The following LRRC1 variants were observed in gnomAD, a reference collection of about 807,000 sequenced individuals.
LRRC1 encodes leucine rich repeat containing 1, also known as leucine-rich repeat-containing protein 1.
LRRC1 carries 28 observed loss-of-function variants against 69.9 expected under a neutral mutation model. The observed-to-expected ratio is 0.40, with a 90% CI of 0.30 to 0.55. LRRC1 has a LOEUF of 0.55. Ranked by LOEUF, LRRC1 falls within the 20% of genes least tolerant of loss-of-function variation. The pLI is 0.47. For synonymous variants in LRRC1, 236 were observed against 240.2 expected (o/e 0.98, Z 0.16); for missense variants, 498 against 609.0 (o/e 0.82, Z 1.92).
intron 1 of LRRC1, among the ~76,000 whole-genome samples, chr6:53,805,734 G>A (rs1313998640): frequency 6.6e-6 from 1 of 152,252 alleles, no homozygotes; most frequent in Non-Finnish European, 1.5e-5. Context: ...ACCCACTACA[G>A]TCTGATCATT....
intron 10 of LRRC1, 27 bp downstream of exon 10, chr6:53,904,489 A>G (rs764605431): frequency 7.3e-7 from 1 of 1,366,516 alleles, no homozygotes; most frequent in Non-Finnish European, 1.0e-6. Flanking sequence ...AAATCACATG[A>G]TAATAATTAT....
At chr6:53,892,250 T>G (rs142041994) in intron 4 of LRRC1, among the ~76,000 whole-genome samples, 53 of 152,240 alleles carry the variant, frequency 3.5e-4, no homozygotes, top group African/African-American at 1.3e-3. Flanking sequence ...TCCGATAAGT[T>G]AATTCTCATA....
intron 1 of LRRC1, among the ~76,000 whole-genome samples, chr6:53,795,903 A>C (rs577948144): frequency 1.3e-5 from 2 of 152,300 alleles, no homozygotes; most frequent in Non-Finnish European, 2.9e-5. Flanking sequence ...AGCGGGCCGC[A>C]CTATCTCGGC....
chr6:53,805,814 A>G (rs1475061944), intron 1 of LRRC1, among the ~76,000 whole-genome samples: 1 of 152,112 alleles, frequency 6.6e-6, no homozygotes, highest in East Asian at 1.9e-4. Context: ...ATCCTTTCTC[A>G]ATACTTGGTC....
At chr6:53,857,063 G>A (rs11759220) in intron 2 of LRRC1, among the ~76,000 whole-genome samples, 32,861 of 152,066 alleles carry the variant, frequency 0.22, 3,939 homozygotes, top group East Asian at 0.26. Context: ...GTGAGATGCC[G>A]TTGGAGTATC....
At chr6:53,917,395 G>A (rs903126872) in intron 11 of LRRC1, among the ~76,000 whole-genome samples, 1 of 152,164 alleles carries the variant, frequency 6.6e-6, no homozygotes, top group African/African-American at 2.4e-5. Flanking sequence ...AGCAAAACTG[G>A]TGTTTCAGGC....
chr6:53,904,100 T>C lies in LRRC1; in HGVS notation c.907-279T>C, dbSNP rs562752570. On this transcript the variant is annotated intron_variant, in intron 9 of 13. Transcript: ENST00000370888. ...GGGTGCAAATTCTCACTTCCTTGAGTTGAACAGCATCTTTTTCCCTTTACA... is the reference window on the plus strand; with the variant it reads ...GGGTGCAAATTCTCACTTCCTTGAGCTGAACAGCATCTTTTTCCCTTTACA... Among the ~76,000 whole-genome samples the C allele has an allele frequency of 7.2e-5, 11 of 152,346 alleles. No individual in the cohort carries two copies. In the South Asian group the frequency reaches 2.1e-3, roughly 29 times the overall value.
intron 1 of LRRC1, among the ~76,000 whole-genome samples, chr6:53,820,220 A>G (rs1562029702): frequency 6.6e-6 from 1 of 151,974 alleles, no homozygotes; most frequent in African/African-American, 2.4e-5. Context: ...TGTCCATCCA[A>G]TGGAAAGAAA....
Position 53,819,465 on chromosome 6 carries a change from G to A in LRRC1, c.160-22645G>A, listed in dbSNP as rs145599292. 2.2e-3 allele frequency among the ~76,000 whole-genome samples: 334 copies of A among 152,154 alleles called. 2 individuals are homozygous for A. Among genetic ancestry groups the A allele is most frequent in the African/African-American group, 7.7e-3 (319 of 41,510 alleles). Reference sequence around the variant, plus strand: ...ACTAAGTGAATACATAGTAAGCCCTGGGGAAACACCTAAATTTCTGTTAGC... The same window carrying A: ...ACTAAGTGAATACATAGTAAGCCCTAGGGAAACACCTAAATTTCTGTTAGC... On this transcript the variant is annotated intron_variant, in intron 1 of 13. Transcript: ENST00000370888.
intron 1 of LRRC1, among the ~76,000 whole-genome samples, chr6:53,837,995 CT>C (rs1385902082): frequency 1.3e-5 from 2 of 152,160 alleles, no homozygotes; most frequent in Non-Finnish European, 2.9e-5. Flanking sequence ...TCTGTGTGTT[CT>C]GTCACATGGT....
intron 1 of LRRC1, among the ~76,000 whole-genome samples, chr6:53,805,516 TCTTA>T (rs1306522490): frequency 2.0e-5 from 3 of 152,328 alleles, no homozygotes; most frequent in South Asian, 4.1e-4. Flanking sequence ...GGCCAGATCC[TCTTA>T]CTTGAAGATG....
chr6:53,862,336 T>G (rs1223635747), intron 2 of LRRC1, among the ~76,000 whole-genome samples: 2 of 151,832 alleles, frequency 1.3e-5, no homozygotes, highest in African/African-American at 4.8e-5. Flanking sequence ...TATGTTTATG[T>G]ATATAGTTTT....
chr6:53,884,198 G>C, intron 4 of LRRC1: 1 of 570,898 alleles, frequency 1.8e-6, no homozygotes, highest in South Asian at 2.2e-5. Context: ...TCAAGTGTCA[G>C]ATATTTATAA....
chr6:53,813,537 TTTTTTTTTTTTTC>T (rs1764859124), intron 1 of LRRC1, among the ~76,000 whole-genome samples: 1 of 28,068 alleles, frequency 3.6e-5, no homozygotes, highest in South Asian at 1.8e-3. Context: ...GGCTCAGTGG[TTTTTTTTTTTTTC>T]TTTTTTTTTC....
intron 10 of LRRC1, among the ~76,000 whole-genome samples, chr6:53,913,604 A>T (rs908526431): frequency 6.6e-6 from 1 of 152,208 alleles, no homozygotes; most frequent in African/African-American, 2.4e-5. Flanking sequence ...AAATTTTTTA[A>T]CTGTATCATT....
intron 3 of LRRC1, among the ~76,000 whole-genome samples, chr6:53,882,593 A>T (rs769569825): frequency 6.6e-6 from 1 of 152,134 alleles, no homozygotes; most frequent in Non-Finnish European, 1.5e-5. Flanking sequence ...AGTAGTCTCA[A>T]CATTTTTTTG....
intron 2 of LRRC1, among the ~76,000 whole-genome samples, chr6:53,852,167 C>G (rs1035600952): frequency 3.9e-5 from 6 of 152,110 alleles, no homozygotes; most frequent in Non-Finnish European, 1.5e-5. Flanking sequence ...GTTTTTGACT[C>G]TTAAAAGAGG....
chr6:53,821,437 C>T (rs1425670826), intron 1 of LRRC1, among the ~76,000 whole-genome samples: 1 of 151,974 alleles, frequency 6.6e-6, no homozygotes, highest in African/African-American at 2.4e-5. Flanking sequence ...TAAATGAAAA[C>T]ATTTTTTGAA....
At chr6:53,849,061 C>CTTTTTT (rs569737865) in intron 2 of LRRC1, among the ~76,000 whole-genome samples, 3 of 130,650 alleles carry the variant, frequency 2.3e-5, no homozygotes, top group Admixed American at 7.5e-5. Flanking sequence ...CCGGCCTATG[C>CTTTTTT]TTTTTTTTTT....
Sources: allele counts gnomAD v4.1 joint callset (sites outside exome capture counted in the v4.1 genomes callset), GRCh38; gene constraint gnomAD v4.1.1; transcripts MANE v1.5; gene names NCBI Gene and HGNC (gene_info 2026-07-23, HGNC 2026-07-21).